The following DAPK2 variants were observed in gnomAD, a reference collection of about 807,000 sequenced individuals.
DAPK2 encodes the protein death-associated protein kinase 2.
A neutral mutation model predicts 44.1 loss-of-function variants in DAPK2; 35 were observed. That is an observed-to-expected ratio of 0.79 (90% CI 0.61 to 1.05). The LOEUF is 1.05. Ranked by LOEUF, DAPK2 falls within the 50% of genes least tolerant of loss-of-function variation. The pLI is 0.00. For synonymous variants in DAPK2, 174 were observed against 182.6 expected, an observed-to-expected ratio of 0.95 and a Z score of 0.38; for missense variants, 453 against 483.2, an observed-to-expected ratio of 0.94 and a Z score of 0.59.
At chr15:63,965,375 C>G (rs1567237022) in intron 3 of DAPK2, among the ~76,000 whole-genome samples, 1 of 152,236 alleles carries the variant, frequency 6.6e-6, no homozygotes, top group South Asian at 2.1e-4. Flanking sequence ...ACTCCTGTGG[C>G]CATCACCACT....
intron 7 of DAPK2, among the ~76,000 whole-genome samples, chr15:63,925,263 C>T (rs947233486): frequency 6.6e-6 from 1 of 152,180 alleles, no homozygotes; most frequent in African/African-American, 2.4e-5. Flanking sequence ...GTAAGCAACT[C>T]TCCCTAGCAC....
At chr15:64,031,684 C>T (rs1214871592) in intron 1 of DAPK2, among the ~76,000 whole-genome samples, 2 of 152,278 alleles carry the variant, frequency 1.3e-5, no homozygotes, top group African/African-American at 2.4e-5. Context: ...CTTTTATTTC[C>T]GACATTCTTT....
At chr15:63,926,812 T>G (rs1404566056) in intron 6 of DAPK2, among the ~76,000 whole-genome samples, 2 of 152,202 alleles carry the variant, frequency 1.3e-5, no homozygotes, top group African/African-American at 4.8e-5. Context: ...ATGAATCACA[T>G]TACTTCACAA....
intron 2 of DAPK2, among the ~76,000 whole-genome samples, chr15:63,972,542 G>A (rs2078241517): frequency 6.6e-6 from 1 of 152,192 alleles, no homozygotes; most frequent in Admixed American, 6.5e-5. Context: ...TTACTGGTCT[G>A]GTCAATGGAG....
chr15:63,983,367 A>G (rs991460869), intron 2 of DAPK2, among the ~76,000 whole-genome samples, 166 bp downstream of exon 3: 1 of 152,130 alleles, frequency 6.6e-6, no homozygotes, highest in African/African-American at 2.4e-5. Context: ...GTAAGGAGGA[A>G]GGGGGTAACT....
intron 1 of DAPK2, among the ~76,000 whole-genome samples, chr15:64,014,927 C>CAAAAAAAA (rs5813274): frequency 8.3e-6 from 1 of 120,306 alleles, no homozygotes. Flanking sequence ...GACTCCATCT[C>CAAAAAAAA]AAAAAAAAAA....
upstream of DAPK2, among the ~76,000 whole-genome samples, chr15:64,042,049 A>G (rs1296462721): frequency 6.6e-6 from 1 of 152,198 alleles, no homozygotes; most frequent in Admixed American, 6.5e-5. The surrounding 1 kb of genome is among the most constrained non-coding windows in gnomAD (Gnocchi z 4.7). Context: ...GCGTGAGTGT[A>G]TATTAGCCCT....
At chr15:64,000,329 G>A (rs937135486) in intron 1 of DAPK2, among the ~76,000 whole-genome samples, 6 of 152,134 alleles carry the variant, frequency 3.9e-5, no homozygotes, top group African/African-American at 1.2e-4. Context: ...CTATGGGGCA[G>A]AAGAAACCTT....
Position 63,971,556 on chromosome 15 carries a change from GA to G in DAPK2, c.319del (p.Ser107LeufsTer15), listed in dbSNP as rs778163387. Reference sequence around the variant, plus strand: ...CAGGAAATCGAAGAGCTCTCCTCCAGACACTCTGTAAAACACCAGCGGGGGG... The same window carrying G: ...CAGGAAATCGAAGAGCTCTCCTCCAGCACTCTGTAAAACACCAGCGGGGGG... On this transcript the variant is annotated frameshift_variant, in exon 3 of 11. Coordinates refer to ENST00000261891, the Ensembl canonical transcript of DAPK2. LOFTEE classifies it high-confidence loss of function. 1 of 1,614,098 alleles carries G rather than the reference GA, an allele frequency of 6.2e-7. No individual in the cohort carries two copies. The highest frequency in any genetic ancestry group is 1.1e-5 in the South Asian group (1 of 91,080).
intron 6 of DAPK2, chr15:63,928,462 T>A (rs2079385182): frequency 6.6e-6 from 1 of 152,250 alleles, no homozygotes; most frequent in Non-Finnish European, 1.5e-5. Flanking sequence ...AAATAGCATT[T>A]TCCATGTGTG....
chr15:63,951,450 C>T (rs1199024880), intron 3 of DAPK2, among the ~76,000 whole-genome samples: 1 of 152,110 alleles, frequency 6.6e-6, no homozygotes, highest in Non-Finnish European at 1.5e-5. Context: ...TAGGTGACAT[C>T]GTCTATGCAC....
Position 63,908,626 on chromosome 15 carries a change from C to A in DAPK2, c.1033-26G>T, listed in dbSNP as rs1380758394. Reference sequence around the variant, plus strand: ...CTGGAGAAAAAAAAGAGAAAGAGGTCCAGGGCAGGAGGATCATGAGACGCC... The same window carrying A: ...CTGGAGAAAAAAAAGAGAAAGAGGTACAGGGCAGGAGGATCATGAGACGCC... On this transcript the variant is annotated intron_variant, in intron 10 of 10. Coordinates refer to ENST00000261891, the Ensembl canonical transcript of DAPK2. The surrounding 1 kb of genome is among the most constrained non-coding windows in gnomAD (Gnocchi z 5.7). 3.8e-6 allele frequency: 6 copies of A among 1,562,554 alleles called. No individual in the cohort carries two copies. The highest frequency in any genetic ancestry group is 4.3e-6 in the Non-Finnish European group (5 of 1,156,422).
chr15:63,951,202 TG>T (rs1411071145), intron 3 of DAPK2, among the ~76,000 whole-genome samples: 1 of 152,050 alleles, frequency 6.6e-6, no homozygotes. Context: ...GGGTGCAGAT[TG>T]GGGGTGGAGG....
Position 63,958,530 on chromosome 15 carries a change from A to G in DAPK2, c.453+12893T>C, listed in dbSNP as rs1272141538. ...TAATCCATCTTGAATTAATTTTTGT[A>G]TAAGGTGTAAGGAAGGGATCCAGTT... On this transcript the variant is annotated intron_variant, in intron 3 of 10. Transcript: ENST00000261891. 2.6e-5 allele frequency among the ~76,000 whole-genome samples: 4 copies of G among 152,264 alleles called. No homozygotes were observed. The East Asian group carries it at 5.8e-4, about 22-fold the overall frequency.
At chr15:63,967,308 G>T (rs1329964251) in intron 3 of DAPK2, among the ~76,000 whole-genome samples, 1 of 152,232 alleles carries the variant, frequency 6.6e-6, no homozygotes, top group East Asian at 1.9e-4. Context: ...TGGTGTTCTT[G>T]CAGGGAGGGT....
At chr15:63,995,885 T>C (rs1431365764) in intron 1 of DAPK2, among the ~76,000 whole-genome samples, 2 of 152,230 alleles carry the variant, frequency 1.3e-5, no homozygotes, top group Non-Finnish European at 2.9e-5. Context: ...CCCCAAATTA[T>C]TCAGCATGTG....
At chr15:63,922,258 G>A in intron 8 of DAPK2, 1 of 986,750 alleles carries the variant, frequency 1.0e-6, no homozygotes, top group Non-Finnish European at 1.2e-6. Context: ...GCAAACGAAA[G>A]GCAATATTAT....
chr15:63,997,728 C>T (rs898725444), intron 1 of DAPK2, among the ~76,000 whole-genome samples: 1 of 152,132 alleles, frequency 6.6e-6, no homozygotes, highest in African/African-American at 2.4e-5. Context: ...CTCTAATTGC[C>T]CTTGTCCTCA....
chr15:63,915,777 C>T (rs1440985934), intron 8 of DAPK2, among the ~76,000 whole-genome samples: 2 of 152,218 alleles, frequency 1.3e-5, no homozygotes, highest in Admixed American at 1.3e-4. Flanking sequence ...GGCTATCATT[C>T]TGTCAGGCTG....
Sources: gnomAD v4.1 joint callset for allele counts (sites outside exome capture counted in the v4.1 genomes callset) on GRCh38, gnomAD v4.1.1 for gene constraint, Gnocchi (gnomAD v3.1) non-coding constraint, MANE v1.5 for transcripts, NCBI Gene and HGNC (gene_info 2026-07-23, HGNC 2026-07-21) for gene names.